The following CNTLN variants were observed in gnomAD, a reference collection of about 807,000 sequenced individuals.
The protein encoded by CNTLN is centlein, centrosomal protein.
CNTLN carries 212 observed loss-of-function variants against 180.0 expected under a neutral mutation model. The ratio of observed to expected loss-of-function variants is 1.18; its 90% CI spans 1.05 to 1.32. The LOEUF (loss-of-function observed/expected upper bound fraction) is 1.32. Ranked by LOEUF, CNTLN falls within the 40% of genes most tolerant of loss-of-function variation. The pLI, the probability that CNTLN is intolerant of heterozygous loss-of-function variation, is 0.00. For synonymous variants in CNTLN, 722 were observed against 563.1 expected (o/e 1.28, Z -3.99); for missense variants, 2,095 against 1,610.9 (o/e 1.30, Z -5.14).
chr9:17,253,666 A>G (rs1563923317), intron 5 of CNTLN, among the ~76,000 whole-genome samples: 1 of 151,144 alleles, frequency 6.6e-6, no homozygotes, highest in Non-Finnish European at 1.5e-5. Context: ...TTTTTCTGGT[A>G]GAGTCATTAA....
chr9:17,235,853 G>A, intron 4 of CNTLN, 61 bp downstream of exon 4: 1 of 1,520,640 alleles, frequency 6.6e-7, no homozygotes, highest in Non-Finnish European at 8.8e-7. Context: ...TTTAAGCTTT[G>A]TTAGCCTTTG....
In CNTLN at chr9:17,474,754, G is replaced by C. The variant is rs555174744; in HGVS notation, c.3855+7863G>C. On this transcript the variant is annotated intron_variant, in intron 23 of 25. Transcript: ENST00000380647. ...ATGGTGGCAAGCGCCTGTAATCCCT[G>C]CTACTTTGGAGGCTGAGGCAGGAGA... 9.2e-5 allele frequency among the ~76,000 whole-genome samples: 14 copies of C among 152,024 alleles called. No individual in the cohort carries two copies. In the South Asian group the frequency reaches 2.9e-3, roughly 32 times the overall value.
At chr9:17,439,324 A>G (rs964545657) in intron 18 of CNTLN, among the ~76,000 whole-genome samples, 4 of 152,220 alleles carry the variant, frequency 2.6e-5, no homozygotes, top group Non-Finnish European at 5.9e-5. Flanking sequence ...CCACAAAACA[A>G]CATTCCATAA....
intron 23 of CNTLN, among the ~76,000 whole-genome samples, chr9:17,473,281 G>A (rs1227434065): frequency 1.3e-5 from 2 of 152,084 alleles, no homozygotes; most frequent in African/African-American, 4.8e-5. Flanking sequence ...AGCATCCTCT[G>A]CTTAGCCACT....
At chr9:17,340,267 C>T (rs1315219268) in intron 10 of CNTLN, among the ~76,000 whole-genome samples, 1 of 152,170 alleles carries the variant, frequency 6.6e-6, no homozygotes, top group Non-Finnish European at 1.5e-5. Flanking sequence ...GTAAGCCTAG[C>T]TTTCCCATTC....
chr9:17,508,063 C>T (rs1181921912), downstream of CNTLN, among the ~76,000 whole-genome samples: 1 of 152,100 alleles, frequency 6.6e-6, no homozygotes, highest in African/African-American at 2.4e-5. Flanking sequence ...GTATTAGAGA[C>T]TTCCCTGGGT....
chr9:17,448,933 G>A lies in CNTLN; in HGVS notation c.3115-8591G>A, dbSNP rs574911643. On this transcript the variant is annotated intron_variant, in intron 18 of 25. Coordinates refer to ENST00000380647, the MANE Select transcript of CNTLN (RefSeq NM_017738.4). Reference sequence around the variant, plus strand: ...AAGGAGAGTGAAAAAGAGGAGTTCCGAAAGACATTGCACAGTTTCTCCTTT... The same window carrying A: ...AAGGAGAGTGAAAAAGAGGAGTTCCAAAAGACATTGCACAGTTTCTCCTTT... 7.9e-5 allele frequency among the ~76,000 whole-genome samples: 12 copies of A among 152,244 alleles called. 1 individual carries two copies. In the South Asian group the frequency reaches 1.5e-3, roughly 18 times the overall value.
chr9:17,427,960 C>T (rs1829195617), intron 18 of CNTLN, among the ~76,000 whole-genome samples: 1 of 152,178 alleles, frequency 6.6e-6, no homozygotes, highest in African/African-American at 2.4e-5. Context: ...TATGGTTTTA[C>T]TCTCATGGAG....
chr9:17,271,263 G>A (rs1447594846), intron 5 of CNTLN, among the ~76,000 whole-genome samples: 1 of 151,834 alleles, frequency 6.6e-6, no homozygotes, highest in Non-Finnish European at 1.5e-5. Context: ...TTTACCTTGG[G>A]AGCATGATTT....
chr9:17,502,850 G>A lies in CNTLN; in HGVS notation c.*198G>A, dbSNP rs903752592. The stretch of plus-strand genomic sequence containing the variant: ...GTACATAGCCATTTAAAAGGAAATA[G>A]TGTAGCATCTGATGGTCGAATACAA... On this transcript the variant is annotated 3_prime_UTR_variant, in exon 26 of 26. Coordinates refer to ENST00000380647, the MANE Select transcript of CNTLN (RefSeq NM_017738.4). The A allele has an allele frequency of 2.3e-5, 7 of 301,834 alleles. No homozygotes were observed. The highest frequency in any genetic ancestry group is 4.3e-5 in the Non-Finnish European group (7 of 162,694). 18.7% of individuals were successfully genotyped at this position (301,834 alleles called of 1,614,324 possible). A position where few individuals can be genotyped will look rare whatever the true frequency, so the allele number is the denominator to read the frequency against.
chr9:17,376,329 C>G (rs1391945447), intron 13 of CNTLN, among the ~76,000 whole-genome samples: 1 of 151,224 alleles, frequency 6.6e-6, no homozygotes, highest in Non-Finnish European at 1.5e-5. Flanking sequence ...TACTTACATT[C>G]GAGCAGTAAG....
chr9:17,198,733 C>T (rs529016606), intron 2 of CNTLN, among the ~76,000 whole-genome samples: 7 of 150,748 alleles, frequency 4.6e-5, no homozygotes, highest in South Asian at 4.2e-4. Context: ...CCTGTGTCCA[C>T]GTGTTCTCAT....
chr9:17,492,133 C>G (rs1175650991), intron 25 of CNTLN, among the ~76,000 whole-genome samples: 4 of 152,034 alleles, frequency 2.6e-5, no homozygotes, highest in Non-Finnish European at 5.9e-5. Flanking sequence ...CACAGCCTTG[C>G]TGTTTTTTTT....
At chr9:17,378,767 T>G (rs1211472370) in intron 13 of CNTLN, among the ~76,000 whole-genome samples, 1 of 152,186 alleles carries the variant, frequency 6.6e-6, no homozygotes, top group African/African-American at 2.4e-5. Flanking sequence ...GACCCAGGAT[T>G]TCAAATTGTT....
At chr9:17,351,640 C>T (rs1822373077) in intron 12 of CNTLN, among the ~76,000 whole-genome samples, 1 of 152,110 alleles carries the variant, frequency 6.6e-6, no homozygotes, top group Non-Finnish European at 1.5e-5. Context: ...TTATTTCTTT[C>T]CATCCTCACT....
intron 2 of CNTLN, among the ~76,000 whole-genome samples, chr9:17,160,848 T>C (rs1420366616): frequency 6.6e-6 from 1 of 152,154 alleles, no homozygotes; most frequent in East Asian, 1.9e-4. Flanking sequence ...TAGACATGCA[T>C]GGCCATCATT....
chr9:17,410,119 A>G (rs1827727058), intron 16 of CNTLN, among the ~76,000 whole-genome samples: 1 of 152,176 alleles, frequency 6.6e-6, no homozygotes, highest in Non-Finnish European at 1.5e-5. Flanking sequence ...AGTTACTACC[A>G]GAATAAAGTT....
Position 17,166,206 on chromosome 9 carries a change from CA to C in CNTLN, c.449+22837del, listed in dbSNP as rs551516248. On this transcript the variant is annotated intron_variant, in intron 2 of 25. Coordinates refer to ENST00000380647, the MANE Select transcript of CNTLN (RefSeq NM_017738.4). Reference sequence around the variant, plus strand: ...GTGGATGTGAAACATGAACAGGTGACAAAAAAAGAGAAAGAGTACTTGGAAA... The same window carrying C: ...GTGGATGTGAAACATGAACAGGTGACAAAAAAGAGAAAGAGTACTTGGAAA... 3.6e-3 allele frequency among the ~76,000 whole-genome samples: 549 copies of C among 150,434 alleles called. 1 individual carries two copies. Among genetic ancestry groups the C allele is most frequent in the African/African-American group, 0.012 (488 of 40,988 alleles).
intron 23 of CNTLN, among the ~76,000 whole-genome samples, chr9:17,472,216 A>G (rs1832075530): frequency 6.6e-6 from 1 of 152,100 alleles, no homozygotes; most frequent in African/African-American, 2.4e-5. Flanking sequence ...TGATACTTAC[A>G]TGGTACATGA....
Sources: allele counts gnomAD v4.1 joint callset (sites outside exome capture counted in the v4.1 genomes callset), GRCh38; gene constraint gnomAD v4.1.1; transcripts MANE v1.5; gene names NCBI Gene and HGNC (gene_info 2026-07-23, HGNC 2026-07-21).